Variants in KCNIP4 observed in about 807,000 individuals in gnomAD.
The protein encoded by KCNIP4 is Kv channel-interacting protein 4.
In KCNIP4, 12 loss-of-function variants were observed where a neutral mutation model predicts 34.0. The ratio of observed to expected loss-of-function variants is 0.35; its 90% confidence interval spans 0.23 to 0.57. KCNIP4 has a LOEUF of 0.57. KCNIP4 is among the 20% of genes least tolerant of loss of function. KCNIP4 has a pLI of 0.83. For synonymous variants in KCNIP4, 124 were observed against 102.2 expected (o/e 1.21, Z -1.29); for missense variants, 238 against 311.7 (o/e 0.76, Z 1.78).
chr4:21,739,032 G>A lies in KCNIP4; in HGVS notation c.61+209539C>T, dbSNP rs185412811. ...GGAAGCAATTAAGGAGTGAAAGACC[G>A]TTGACCCAATTATCTTAGACAATAC... On this transcript the variant is annotated intron_variant, in intron 1 of 8. Transcript: ENST00000382152. 1.5e-3 allele frequency among the ~76,000 whole-genome samples: 234 copies of A among 152,214 alleles called. 2 individuals carry two copies. Among genetic ancestry groups the A allele is most frequent in the Admixed American group, 3.6e-3 (55 of 15,292 alleles).
At chr4:21,461,428 T>G (rs1027112330) in intron 1 of KCNIP4, among the ~76,000 whole-genome samples, 3 of 151,918 alleles carry the variant, frequency 2.0e-5, no homozygotes, top group Admixed American at 1.3e-4. Context: ...GTGAAGTTTT[T>G]TTTTTTCACA....
At chr4:21,607,278 G>C (rs7665351) in intron 1 of KCNIP4, among the ~76,000 whole-genome samples, 99,845 of 152,024 alleles carry the variant, frequency 0.66, 33,415 homozygotes, top group East Asian at 0.87. Context: ...ATCTCAGAAG[G>C]TTCTTCTAAG....
At chr4:21,436,570 G>A (rs1372212773) in intron 1 of KCNIP4, among the ~76,000 whole-genome samples, 9 of 152,136 alleles carry the variant, frequency 5.9e-5, no homozygotes, top group Admixed American at 5.9e-4. Context: ...GAGTGACTTT[G>A]TTTAGGAAAC....
intron 1 of KCNIP4, among the ~76,000 whole-genome samples, chr4:21,182,353 G>T (rs1466634009): frequency 6.6e-6 from 1 of 152,082 alleles, no homozygotes; most frequent in Non-Finnish European, 1.5e-5. Context: ...GGGACTGACA[G>T]CATCCTTGCA....
chr4:20,981,070 AAAT>A (rs1736021599), intron 1 of KCNIP4, among the ~76,000 whole-genome samples: 1 of 152,228 alleles, frequency 6.6e-6, no homozygotes, highest in African/African-American at 2.4e-5. Flanking sequence ...GTCATAGTCT[AAAT>A]AAACAGGCAG....
chr4:21,110,427 T>G (rs902714701), intron 1 of KCNIP4, among the ~76,000 whole-genome samples: 1 of 152,220 alleles, frequency 6.6e-6, no homozygotes, highest in African/African-American at 2.4e-5. Context: ...AGAAAAATAC[T>G]GAGAGAATTA....
intron 1 of KCNIP4, among the ~76,000 whole-genome samples, chr4:21,193,259 TG>T (rs1049911827): frequency 6.6e-6 from 1 of 152,190 alleles, no homozygotes; most frequent in Non-Finnish European, 1.5e-5. Flanking sequence ...ATTAGTTAAT[TG>T]TGTGTTGCTT....
At chr4:20,806,497 CCTT>C (rs1332511894) in intron 3 of KCNIP4, among the ~76,000 whole-genome samples, 21 of 151,700 alleles carry the variant, frequency 1.4e-4, no homozygotes, top group African/African-American at 3.9e-4. Flanking sequence ...TGCCATTTGA[CCTT>C]CTTATTTTTT....
At position 20,729,888 on chromosome 4, in the gene KCNIP4, C is replaced by CATTATGAAA. The variant is rs749406584; in HGVS notation, c.*185_*193dup. The CATTATGAAA allele has an allele frequency of 8.1e-5, 41 of 507,690 alleles. No individual in the cohort carries two copies. The highest frequency in any genetic ancestry group is 1.3e-4 in the Non-Finnish European group (38 of 299,900). 31.4% of individuals were successfully genotyped at this position (507,690 alleles called of 1,614,324 possible). ...TTAGACCATCCCCTGAACTCAGTGG[C>CATTATGAAA]ATTATGAAAAGGATGCAAATTTATA... On this transcript the variant is annotated 3_prime_UTR_variant, in exon 9 of 9. Transcript: ENST00000382152.
intron 1 of KCNIP4, among the ~76,000 whole-genome samples, chr4:21,866,297 G>A (rs968209287): frequency 8.5e-5 from 13 of 152,186 alleles, no homozygotes; most frequent in African/African-American, 2.7e-4. Context: ...AATTTGTTAT[G>A]TAAAATTGCC....
At chr4:21,460,100 C>A (rs1269279075) in intron 1 of KCNIP4, among the ~76,000 whole-genome samples, 2 of 130,926 alleles carry the variant, frequency 1.5e-5, no homozygotes, top group Non-Finnish European at 3.6e-5. Flanking sequence ...AAATCTGCCC[C>A]CCGCCCCCCA....
intron 1 of KCNIP4, among the ~76,000 whole-genome samples, chr4:21,719,976 AAAAG>A (rs1411893251): frequency 1.3e-4 from 13 of 102,710 alleles, no homozygotes; most frequent in African/African-American, 5.3e-4. Flanking sequence ...AAAAAAAAAA[AAAAG>A]AAGAAGAGGA....
intron 1 of KCNIP4, among the ~76,000 whole-genome samples, chr4:21,753,216 A>G (rs148802571): frequency 4.1e-4 from 63 of 152,166 alleles, no homozygotes; most frequent in Non-Finnish European, 6.8e-4. Flanking sequence ...GGTTTTTCAC[A>G]CTATCTGAGG....
At chr4:21,083,997 T>G (rs1353852970) in intron 1 of KCNIP4, among the ~76,000 whole-genome samples, 1 of 151,916 alleles carries the variant, frequency 6.6e-6, no homozygotes, top group Non-Finnish European at 1.5e-5. Context: ...TCCACCCTGA[T>G]GTCTCCCAAG....
intron 1 of KCNIP4, among the ~76,000 whole-genome samples, chr4:21,136,464 G>C (rs762796119): frequency 6.6e-6 from 1 of 152,152 alleles, no homozygotes; most frequent in Admixed American, 6.5e-5. Context: ...TCAGCAAATA[G>C]GCATTGGGTT....
At chr4:21,121,038 A>T (rs1750114077) in intron 1 of KCNIP4, among the ~76,000 whole-genome samples, 1 of 152,208 alleles carries the variant, frequency 6.6e-6, no homozygotes, top group Non-Finnish European at 1.5e-5. Context: ...TGTGTGCTTT[A>T]AAATGAACTA....
chr4:21,044,356 G>A (rs1742247593), intron 1 of KCNIP4, among the ~76,000 whole-genome samples: 2 of 151,736 alleles, frequency 1.3e-5, no homozygotes, highest in African/African-American at 4.8e-5. Flanking sequence ...CTGTCACCCA[G>A]ACTGGAGTGC....
At chr4:21,644,119 A>T (rs1420769307) in intron 1 of KCNIP4, among the ~76,000 whole-genome samples, 1 of 152,164 alleles carries the variant, frequency 6.6e-6, no homozygotes, top group Non-Finnish European at 1.5e-5. Flanking sequence ...GTAATTTGAC[A>T]TTGTAATCCT....
intron 1 of KCNIP4, among the ~76,000 whole-genome samples, chr4:20,989,896 G>A (rs1440364834): frequency 6.6e-6 from 1 of 152,182 alleles, no homozygotes; most frequent in Non-Finnish European, 1.5e-5. Flanking sequence ...TTGAACCTAA[G>A]AGGCAGAGGC....
Sources: gnomAD v4.1 joint callset for allele counts (sites outside exome capture counted in the v4.1 genomes callset) on GRCh38, gnomAD v4.1.1 for gene constraint, MANE v1.5 for transcripts, NCBI Gene and HGNC (gene_info 2026-07-23, HGNC 2026-07-21) for gene names.